Variants in USP31 observed in about 807,000 individuals in gnomAD.
USP31 encodes the protein ubiquitin specific peptidase 31.
In USP31, 44 loss-of-function variants were observed where a neutral mutation model predicts 119.4. The observed-to-expected ratio is 0.37, with a 90% CI of 0.29 to 0.47. The LOEUF (loss-of-function observed/expected upper bound fraction) is 0.47, where lower values mean the gene tolerates loss of function less well. USP31 is among the 20% of genes least tolerant of loss of function. The probability of loss-of-function intolerance (pLI) is 0.99; values close to 1 mark genes in which losing one functional copy is unlikely to be tolerated. For missense variants in USP31, 1,643 were observed against 1,730.2 expected, an observed-to-expected ratio of 0.95 and a Z score of 0.89; for synonymous variants, 749 against 705.6, an observed-to-expected ratio of 1.06 and a Z score of -0.97.
chr16:23,086,959 ATAAG>A (rs1901135213), intron 9 of USP31, 129 bp downstream of exon 9: 1 of 633,610 alleles, frequency 1.6e-6, no homozygotes, highest in Non-Finnish European at 2.7e-6. Context: ...CAAAAGTAAA[ATAAG>A]TACTTAATTT....
chr16:23,141,892 CAAAT>C (rs1903363293), intron 1 of USP31, among the ~76,000 whole-genome samples: 1 of 152,108 alleles, frequency 6.6e-6, no homozygotes, highest in African/African-American at 2.4e-5. Context: ...TTGCTGACAA[CAAAT>C]AAAAGGATGA....
chr16:23,092,886 G>A (rs949799044), intron 6 of USP31, among the ~76,000 whole-genome samples: 1 of 152,022 alleles, frequency 6.6e-6, no homozygotes. Flanking sequence ...AGTAAAAGAG[G>A]AATTAAAATA....
Position 23,148,941 on chromosome 16 carries a change from C to T in USP31, c.330G>A (p.Pro110=), listed in dbSNP as rs1359113926. Reference sequence around the variant, plus strand: ...AAGCGGGCGGCGCGGGAGAGGCGGGCGGCGGCGGGCACGGCGGCGGCGTGG... The same window carrying T: ...AAGCGGGCGGCGCGGGAGAGGCGGGTGGCGGCGGGCACGGCGGCGGCGTGG... The part of the protein sequence containing the change: ...AAPTPPPCPP[P]PASPAPPACA... Residue 110 remains proline, a synonymous_variant, in exon 1 of 16, where the codon CCG becomes CCA. Coordinates refer to ENST00000219689, the MANE Select transcript of USP31 (RefSeq NM_020718.4). The T allele has an allele frequency of 8.9e-6, 10 of 1,120,656 alleles. No individual in the cohort carries two copies. Among genetic ancestry groups the T allele is most frequent in the Non-Finnish European group, 1.1e-5 (10 of 914,774 alleles). The allele number at this position is 1,120,656 out of a possible 1,614,324, so 69.4% of individuals were successfully genotyped here. A position where few individuals can be genotyped will look rare whatever the true frequency, so the allele number is the denominator to read the frequency against.
intron 1 of USP31, among the ~76,000 whole-genome samples, chr16:23,139,469 G>A (rs147868383): frequency 1.1e-4 from 17 of 152,284 alleles, no homozygotes; most frequent in African/African-American, 3.8e-4. Flanking sequence ...TGTATTCAGC[G>A]CTAAGAGCAG....
rs745441640 is a variant in USP31, at chr16:23,106,498, A to G, written c.772-11T>C. 1.3e-6 allele frequency: 2 copies of G among 1,597,442 alleles called. No homozygotes were observed. Among genetic ancestry groups the G allele is most frequent in the Non-Finnish European group, 1.7e-6 (2 of 1,173,818 alleles). ...AGTCTCTGATGGTGGCTAAAAAAAA[A>G]AGAAAGTACAACTTCACAGACTAGA... On this transcript the variant is annotated splice_polypyrimidine_tract_variant and intron_variant, in intron 2 of 15. Transcript: ENST00000219689.
Position 23,069,241 on chromosome 16 carries a change from G to T in USP31, c.2864C>A (p.Thr955Asn), listed in dbSNP as rs770197494. The part of the protein sequence containing the change: ...MEGVFKDESD[T>N]RRLNSSVVDT... Reference sequence around the variant, plus strand: ...TACGACACTGGAGTTCAATCTGCGGGTGTCCGATTCGTCTTTGAACACGCC... The same window carrying T: ...TACGACACTGGAGTTCAATCTGCGGTTGTCCGATTCGTCTTTGAACACGCC... Residue 955 changes from threonine (T) to asparagine (N), a missense_variant, in exon 16 of 16, where the codon ACC becomes AAC. This residue lies in a region of USP31 where 699 missense variants were observed against 650.9 expected (regional missense o/e 1.07). Coordinates refer to ENST00000219689, the MANE Select transcript of USP31 (RefSeq NM_020718.4). 1 of 1,614,178 alleles carries T rather than the reference G, an allele frequency of 6.2e-7. No homozygotes were observed. Among genetic ancestry groups the T allele is most frequent in the South Asian group, 1.1e-5 (1 of 91,082 alleles).
intron 1 of USP31, among the ~76,000 whole-genome samples, chr16:23,112,584 G>T (rs1003561678): frequency 3.3e-5 from 5 of 151,366 alleles, no homozygotes; most frequent in Admixed American, 6.6e-5. Flanking sequence ...TCAATAAAAG[G>T]AATAATAATT....
At chr16:23,073,655 C>T (rs1900435626) in intron 14 of USP31, 67 bp downstream of exon 14, 1 of 1,566,952 alleles carries the variant, frequency 6.4e-7, no homozygotes, top group Non-Finnish European at 8.7e-7. Flanking sequence ...CCAGAGAGGT[C>T]CTCTAGACCA....
intron 13 of USP31, among the ~76,000 whole-genome samples, chr16:23,075,240 G>A (rs139122257): frequency 2.8e-4 from 42 of 152,304 alleles, no homozygotes; most frequent in African/African-American, 9.4e-4. Context: ...GGCCAGTGGC[G>A]TCAGGTCAGG....
chr16:23,106,205 A>G lies in USP31; in HGVS notation c.953+8T>C. The stretch of plus-strand genomic sequence containing the variant: ...ATACAGTCTTCATTTTACTAAATCC[A>G]TTCTTACCTTGTGTGGGGCAGAGGA... On this transcript the variant is annotated splice_region_variant and intron_variant, in intron 4 of 15. Coordinates refer to ENST00000219689, the MANE Select transcript of USP31 (RefSeq NM_020718.4). 1.9e-6 allele frequency: 3 copies of G among 1,614,176 alleles called. No individual in the cohort carries two copies. Among genetic ancestry groups the G allele is most frequent in the South Asian group, 2.2e-5 (2 of 91,080 alleles).
chr16:23,107,194 A>T (rs1384485500), intron 2 of USP31, among the ~76,000 whole-genome samples: 1 of 152,084 alleles, frequency 6.6e-6, no homozygotes, highest in East Asian at 1.9e-4. Flanking sequence ...TTGGTGCCTA[A>T]TCACACTCTA....
At chr16:23,127,933 A>G (rs971445478) in intron 1 of USP31, among the ~76,000 whole-genome samples, 3 of 152,168 alleles carry the variant, frequency 2.0e-5, no homozygotes, top group African/African-American at 7.2e-5. Flanking sequence ...GCCATTTTCA[A>G]ATACTAACAT....
chr16:23,116,899 T>C (rs1218416998), intron 1 of USP31, among the ~76,000 whole-genome samples: 1 of 152,220 alleles, frequency 6.6e-6, no homozygotes, highest in African/African-American at 2.4e-5. Context: ...TCTGTTCACA[T>C]TTGGCCACAG....
At chr16:23,095,274 A>T (rs1352320380) in intron 6 of USP31, among the ~76,000 whole-genome samples, 1 of 152,232 alleles carries the variant, frequency 6.6e-6, no homozygotes, top group Admixed American at 6.5e-5. Flanking sequence ...TAATGAAATA[A>T]AGCAAGAACA....
At chr16:23,146,301 G>A (rs1427813917) in intron 1 of USP31, among the ~76,000 whole-genome samples, 1 of 151,958 alleles carries the variant, frequency 6.6e-6, no homozygotes, top group Non-Finnish European at 1.5e-5. Flanking sequence ...TTCTAATTTT[G>A]AGATCTCAGC....
intron 1 of USP31, among the ~76,000 whole-genome samples, chr16:23,117,593 C>T (rs2141884763): frequency 6.6e-6 from 1 of 152,242 alleles, no homozygotes; most frequent in African/African-American, 2.4e-5. Context: ...CAAAAGTTGT[C>T]CCAACAGATT....
At chr16:23,101,343 A>T (rs1242004896) in intron 6 of USP31, among the ~76,000 whole-genome samples, 1 of 152,156 alleles carries the variant, frequency 6.6e-6, no homozygotes, top group Non-Finnish European at 1.5e-5. Context: ...TTCTAGAAAA[A>T]ATGCAGGAGC....
intron 5 of USP31, among the ~76,000 whole-genome samples, chr16:23,104,110 T>A (rs964293073): frequency 6.6e-6 from 1 of 152,216 alleles, no homozygotes; most frequent in South Asian, 2.1e-4. Flanking sequence ...ACAAGTCACA[T>A]GCCTTTTCTG....
intron 1 of USP31, among the ~76,000 whole-genome samples, chr16:23,108,967 G>T (rs1480889780): frequency 1.3e-5 from 2 of 152,116 alleles, no homozygotes; most frequent in South Asian, 2.1e-4. Flanking sequence ...CCTAGTGAGG[G>T]GGACAGGGAG....
Sources: gnomAD v4.1 joint callset for allele counts (sites outside exome capture counted in the v4.1 genomes callset) on GRCh38, gnomAD v4.1.1 for gene constraint, gnomAD v4.1.1 regional missense constraint, MANE v1.5 for transcripts, NCBI Gene and HGNC (gene_info 2026-07-23, HGNC 2026-07-21) for gene names.